The following TF variants were observed in gnomAD, a reference collection of about 807,000 sequenced individuals.
TF encodes the protein transferrin, also known as serotransferrin.
TF carries 55 observed loss-of-function variants against 82.4 expected under a neutral mutation model. The ratio of observed to expected loss-of-function variants is 0.67; its 90% CI spans 0.54 to 0.84. The LOEUF is 0.84. Ranked by LOEUF, TF falls within the 40% of genes least tolerant of loss-of-function variation. The pLI, the probability that TF is intolerant of heterozygous loss-of-function variation, is 0.00. For synonymous variants in TF, 332 were observed against 332.6 expected, an observed-to-expected ratio of 1.00 and a Z score of 0.02; for missense variants, 737 against 868.4, an observed-to-expected ratio of 0.85 and a Z score of 1.90.
At chr3:133,665,205 A>G in the TF span, among the ~76,000 whole-genome samples, 1 of 152,160 alleles carries the variant, frequency 6.6e-6, no homozygotes, top group African/African-American at 2.4e-5. Flanking sequence ...TATGGCTCAC[A>G]TCTGTAATCC....
chr3:133,674,027 C>T, the TF span, among the ~76,000 whole-genome samples: 2 of 152,084 alleles, frequency 1.3e-5, no homozygotes, highest in African/African-American at 4.8e-5. Flanking sequence ...CCGAGAGGAC[C>T]CAGGAGTGGT....
At chr3:133,687,310 G>A in the TF span, among the ~76,000 whole-genome samples, 17 of 151,994 alleles carry the variant, frequency 1.1e-4, no homozygotes, top group Non-Finnish European at 1.8e-4. Flanking sequence ...AAACCTGCAC[G>A]TTGTGCACAT....
intron 14 of TF, chr3:133,774,839 C>T (rs1241213272): frequency 4.1e-6 from 1 of 242,714 alleles, no homozygotes; most frequent in Non-Finnish European, 8.2e-6. Context: ...GAGGAAGGAG[C>T]TGAAACCCTA....
rs41295776 is a variant in TF, at chr3:133,758,335, T to C, written c.1048+389T>C. On this transcript the variant is annotated intron_variant, in intron 8 of 16. Transcript: ENST00000402696. The stretch of plus-strand genomic sequence containing the variant: ...TAATGAAGAGGTGCTCTAAGAGAGG[T>C]TGATCCCAGTCCTGGATTTCACTGA... 2.8e-3 allele frequency among the ~76,000 whole-genome samples: 429 copies of C among 152,258 alleles called. 4 individuals carry two copies. The highest frequency in any genetic ancestry group is 9.9e-3 in the African/African-American group (410 of 41,536).
At chr3:133,735,697 A>C in the TF span, among the ~76,000 whole-genome samples, 1 of 152,222 alleles carries the variant, frequency 6.6e-6, no homozygotes, top group Non-Finnish European at 1.5e-5. Context: ...GGCAGAAGAA[A>C]GGATATCAGA....
At chr3:133,709,098 T>G in the TF span, among the ~76,000 whole-genome samples, 1 of 152,180 alleles carries the variant, frequency 6.6e-6, no homozygotes, top group Non-Finnish European at 1.5e-5. Context: ...TGATAGTGGC[T>G]GCTGCTGCTG....
At chr3:133,732,383 C>T in the TF span, among the ~76,000 whole-genome samples, 1 of 152,098 alleles carries the variant, frequency 6.6e-6, no homozygotes, top group Non-Finnish European at 1.5e-5. Context: ...CCAATCAGCA[C>T]TCTGTAAAAC....
rs1445605635 is a variant in TF, at chr3:133,787,415, C to A, written c.*8795C>A. The A allele has an allele frequency of 6.6e-6, 1 of 152,122 alleles. No individual in the cohort carries two copies. The highest frequency in any genetic ancestry group is 1.9e-4 in the East Asian group (1 of 5,200). 9.4% of individuals were successfully genotyped at this position (152,122 alleles called of 1,614,324 possible). ...TCAAAATTGTCATATTTAGAAGATACCTCCGATTATAGCCACTGATACATG... is the reference window on the plus strand; with the variant it reads ...TCAAAATTGTCATATTTAGAAGATAACTCCGATTATAGCCACTGATACATG... On this transcript the variant is annotated 3_prime_UTR_variant, in exon 17 of 17. Transcript: ENST00000402696.
Position 133,751,389 on chromosome 3 carries a change from T to C in TF, c.217-2206T>C, listed in dbSNP as rs868523486. Among the ~76,000 whole-genome samples the C allele has an allele frequency of 4.6e-5, 7 of 151,940 alleles. No individual in the cohort carries two copies. In the East Asian group the frequency reaches 9.7e-4, roughly 21 times the overall value. The stretch of plus-strand genomic sequence containing the variant: ...CTGGGACTACAGGCGCGCGCCACCA[T>C]GCCCGGCTAATTTTTGTATTTTTAG... On this transcript the variant is annotated intron_variant, in intron 2 of 16. Coordinates refer to ENST00000402696, the MANE Select transcript of TF (RefSeq NM_001063.4).
At chr3:133,771,262 G>A (rs1203791837) in intron 14 of TF, among the ~76,000 whole-genome samples, 1 of 152,168 alleles carries the variant, frequency 6.6e-6, no homozygotes, top group Non-Finnish European at 1.5e-5. Flanking sequence ...TGGGAATTTT[G>A]AGCATTAAAA....
chr3:133,698,976 G>A, the TF span, among the ~76,000 whole-genome samples: 1 of 152,208 alleles, frequency 6.6e-6, no homozygotes, highest in East Asian at 1.9e-4. Context: ...CTTTAGTGGG[G>A]GACCTGGGCC....
the TF span, among the ~76,000 whole-genome samples, chr3:133,664,384 A>G: frequency 6.6e-6 from 1 of 151,904 alleles, no homozygotes; most frequent in African/African-American, 2.4e-5. Context: ...TGCAGTTGGC[A>G]CAATGTCTGC....
rs1280089448 is a variant in TF at position 133,782,959 on chromosome 3, G to A, written c.*4339G>A. On this transcript the variant is annotated 3_prime_UTR_variant, in exon 17 of 17. Coordinates refer to ENST00000402696, the MANE Select transcript of TF (RefSeq NM_001063.4). Reference sequence around the variant, plus strand: ...TTGAGCCTGGGAGGTCGAGGCTGCAGTGAGCAGTGATTTGATCGTGCCACT... The same window carrying A: ...TTGAGCCTGGGAGGTCGAGGCTGCAATGAGCAGTGATTTGATCGTGCCACT... 1 of 152,210 alleles carries A rather than the reference G, an allele frequency of 6.6e-6. No individual in the cohort carries two copies. Among genetic ancestry groups the A allele is most frequent in the Non-Finnish European group, 1.5e-5 (1 of 68,058 alleles). 9.4% of individuals were successfully genotyped at this position (152,210 alleles called of 1,614,324 possible). A position where few individuals can be genotyped will look rare whatever the true frequency, so the allele number is the denominator to read the frequency against.
chr3:133,669,057 A>G, the TF span, among the ~76,000 whole-genome samples: 1 of 151,614 alleles, frequency 6.6e-6, no homozygotes, highest in South Asian at 2.1e-4. Flanking sequence ...GTGGAGTGCA[A>G]TGGCGCGATC....
the TF span, among the ~76,000 whole-genome samples, chr3:133,682,777 C>T: frequency 6.6e-6 from 1 of 152,132 alleles, no homozygotes; most frequent in Non-Finnish European, 1.5e-5. Flanking sequence ...AGTTGGAAAA[C>T]ACTCTTCAGG....
At chr3:133,665,771 C>A in the TF span, among the ~76,000 whole-genome samples, 1 of 151,498 alleles carries the variant, frequency 6.6e-6, no homozygotes, top group Admixed American at 6.6e-5. Flanking sequence ...ATGAAGAAAC[C>A]CATCTCTACT....
chr3:133,719,826 C>T, the TF span, among the ~76,000 whole-genome samples: 1 of 152,032 alleles, frequency 6.6e-6, no homozygotes, highest in East Asian at 1.9e-4. Flanking sequence ...ATCCTTCACC[C>T]TCTTGATTAA....
Position 133,795,766 on chromosome 3 carries a change from C to G in TF, c.*17146C>G. 6.6e-6 allele frequency: 1 copy of G among 151,854 alleles called. No individual in the cohort carries two copies. Among genetic ancestry groups the G allele is most frequent in the Non-Finnish European group, 1.5e-5 (1 of 68,030 alleles). The allele number at this position is 151,854 out of a possible 1,614,324, so 9.4% of individuals were successfully genotyped here. ...AATTTTTTTGTATTTTTAGTGGAGA[C>G]GGGGTTTCACCATGTTAGCCAGGAT... On this transcript the variant is annotated 3_prime_UTR_variant, in exon 17 of 17. Transcript: ENST00000402696.
the TF span, among the ~76,000 whole-genome samples, chr3:133,718,567 CA>C: frequency 6.6e-6 from 1 of 152,130 alleles, no homozygotes; most frequent in Non-Finnish European, 1.5e-5. Flanking sequence ...GTTTGCTCTA[CA>C]GAGCAGGGAG....
Sources: allele counts gnomAD v4.1 joint callset (sites outside exome capture counted in the v4.1 genomes callset), GRCh38; gene constraint gnomAD v4.1.1; transcripts MANE v1.5; gene names NCBI Gene and HGNC (gene_info 2026-07-23, HGNC 2026-07-21).